KCNK10: variants seen among roughly 807,000 people sequenced by gnomAD.
The protein encoded by KCNK10 is potassium two pore domain channel subfamily K member 10.
A neutral mutation model predicts 47.7 loss-of-function variants in KCNK10; 25 were observed. That is an observed-to-expected ratio of 0.52 (90% CI 0.38 to 0.73). KCNK10 has a LOEUF of 0.73. Among genes scored for constraint, KCNK10 ranks in the 30% least tolerant of loss-of-function variants. The pLI is 0.00. For synonymous variants in KCNK10, 303 were observed against 285.6 expected (o/e 1.06, Z -0.61); for missense variants, 563 against 714.5 (o/e 0.79, Z 2.42).
At position 88,263,432 on chromosome 14, in the gene KCNK10, C is replaced by T; in HGVS notation, c.172G>A (p.Ala58Thr). 6.2e-7 allele frequency: 1 copy of T among 1,614,164 alleles called. No individual in the cohort carries two copies. The highest frequency in any genetic ancestry group is 1.1e-5 in the South Asian group (1 of 91,088). ...CCTTGGGAGGTGCCTTCCATCCTGGCTACCACTGTGGCTCGGGAGGAAATG... is the reference window on the plus strand; with the variant it reads ...CCTTGGGAGGTGCCTTCCATCCTGGTTACCACTGTGGCTCGGGAGGAAATG... ...LSISSRATVV[A>T]RMEGTSQGGL... is the part of the protein sequence containing the mutation. Residue 58 changes from alanine (A) to threonine (T), a missense_variant, in exon 2 of 7, where the codon GCC (alanine) becomes ACC (threonine). By Grantham distance (58) the Ala-to-Thr change is moderately conservative (BLOSUM62 0). Transcript: ENST00000319231.
At chr14:88,323,386 G>C, upstream of KCNK10, 1 of 774,838 alleles carries the variant, frequency 1.3e-6, no homozygotes. Context: ...ATTGGATGTA[G>C]GGGTGGCGCG....
chr14:88,183,540 C>G lies in KCNK10; in HGVS notation c.*1995G>C, dbSNP rs1030112043. 1.3e-5 allele frequency: 2 copies of G among 152,382 alleles called. No homozygotes were observed. The highest frequency in any genetic ancestry group is 2.4e-5 in the African/African-American group (1 of 41,468). The allele number at this position is 152,382 out of a possible 1,614,324, so 9.4% of individuals were successfully genotyped here. On this transcript the variant is annotated 3_prime_UTR_variant, in exon 7 of 7. Coordinates refer to ENST00000319231, the MANE Select transcript of KCNK10 (RefSeq NM_138317.3). Reference sequence around the variant, plus strand: ...CTGGAATGATTCCCATAGTAAAACTCAACATCCACACCTGCATAAACATCG... The same window carrying G: ...CTGGAATGATTCCCATAGTAAAACTGAACATCCACACCTGCATAAACATCG...
At position 88,266,085 on chromosome 14, in the gene KCNK10, G is replaced by GA. The variant is rs201390851; in HGVS notation, c.53-2535dup. 7.4e-3 allele frequency among the ~76,000 whole-genome samples: 1,131 copies of GA among 152,244 alleles called. 8 individuals are homozygous for GA. Among genetic ancestry groups the GA allele is most frequent in the Non-Finnish European group, 0.013 (891 of 68,026 alleles). ...ACTCCCATTAGATTGAAAGCTCCAT[G>GA]AGGGCAGGCACCCTGTCTACCCCTC... On this transcript the variant is annotated intron_variant, in intron 1 of 6. Transcript: ENST00000319231.
At chr14:88,188,672 T>C (rs953593708) in intron 5 of KCNK10, among the ~76,000 whole-genome samples, 2 of 152,192 alleles carry the variant, frequency 1.3e-5, no homozygotes, top group African/African-American at 4.8e-5. Context: ...GGTGTTTACA[T>C]AGTGCTACTC....
At chr14:88,214,775 G>A (rs1213223917) in intron 4 of KCNK10, among the ~76,000 whole-genome samples, 2 of 152,204 alleles carry the variant, frequency 1.3e-5, no homozygotes, top group African/African-American at 4.8e-5. Context: ...GAGAGAGCAT[G>A]AAGTCAGAAA....
intron 5 of KCNK10, among the ~76,000 whole-genome samples, chr14:88,189,750 G>A (rs866206323): frequency 2.6e-5 from 4 of 152,096 alleles, no homozygotes; most frequent in South Asian, 2.1e-4. Flanking sequence ...ATACTATGTC[G>A]AATCACAGCA....
At chr14:88,225,096 T>G (rs1278445810) in intron 4 of KCNK10, among the ~76,000 whole-genome samples, 1 of 152,228 alleles carries the variant, frequency 6.6e-6, no homozygotes, top group Non-Finnish European at 1.5e-5. Flanking sequence ...TTTTCATTTC[T>G]CAAATAACCA....
intron 2 of KCNK10, among the ~76,000 whole-genome samples, chr14:88,262,240 C>T (rs1887131138): frequency 1.3e-5 from 2 of 152,222 alleles, no homozygotes; most frequent in African/African-American, 4.8e-5. Context: ...ATGTCACCGC[C>T]TTCCACCAAA....
chr14:88,219,288 G>A (rs1054107862), intron 4 of KCNK10, among the ~76,000 whole-genome samples: 2 of 152,182 alleles, frequency 1.3e-5, no homozygotes, highest in Non-Finnish European at 2.9e-5. Flanking sequence ...ACTATTCTTG[G>A]AGATAAAAGA....
upstream of KCNK10, chr14:88,326,446 G>GA: frequency 1.9e-6 from 3 of 1,613,234 alleles, no homozygotes; most frequent in Middle Eastern, 1.7e-4. Context: ...TCTGTGTAGA[G>GA]AAAAAACATC....
chr14:88,274,399 T>C (rs910309180), intron 1 of KCNK10, among the ~76,000 whole-genome samples: 1 of 151,562 alleles, frequency 6.6e-6, no homozygotes, highest in African/African-American at 2.4e-5. Flanking sequence ...CTGTCTCTAC[T>C]AAAAATACAA....
At chr14:88,240,079 A>C (rs1886409422) in intron 3 of KCNK10, among the ~76,000 whole-genome samples, 1 of 152,092 alleles carries the variant, frequency 6.6e-6, no homozygotes, top group South Asian at 2.1e-4. Context: ...CAGATGTTTC[A>C]CTTCTATCTA....
chr14:88,275,168 C>T (rs934508147), intron 1 of KCNK10, among the ~76,000 whole-genome samples: 3 of 152,146 alleles, frequency 2.0e-5, no homozygotes, highest in Non-Finnish European at 4.4e-5. Flanking sequence ...TCGCCCACAA[C>T]ATCAGGGTCA....
At chr14:88,244,899 T>C (rs1043818355) in intron 2 of KCNK10, among the ~76,000 whole-genome samples, 6 of 152,196 alleles carry the variant, frequency 3.9e-5, no homozygotes, top group Admixed American at 2.6e-4. Flanking sequence ...AGAGAGATCT[T>C]ACAAGGATCA....
Position 88,263,532 on chromosome 14 carries a change from T to A in KCNK10, c.72A>T (p.Ala24=), listed in dbSNP as rs760639961. ...TGGCGCTCTTGGGCTGGCACACCGG[T>A]GCTGCTGCGGGAACGGCCACTGAGG... ...WDPKVAVPAA[A]PVCQPKSATN... The change falls in exon 2 of 7, where the codon GCA becomes GCT. Residue 24 remains alanine, a synonymous_variant. Coordinates refer to ENST00000319231, the MANE Select transcript of KCNK10 (RefSeq NM_138317.3). 5.0e-6 allele frequency: 8 copies of A among 1,611,958 alleles called. No individual in the cohort carries two copies. The South Asian group carries it at 5.5e-5, about 11-fold the overall frequency.
intron 1 of KCNK10, among the ~76,000 whole-genome samples, chr14:88,280,087 C>G (rs1477249485): frequency 1.3e-5 from 2 of 152,280 alleles, no homozygotes; most frequent in African/African-American, 4.8e-5. Flanking sequence ...TGGACTAATA[C>G]ACTGGGTGAT....
Position 88,240,667 on chromosome 14 carries a change from C to T in KCNK10, c.520+36G>A, listed in dbSNP as rs200432237. 8.7e-4 allele frequency: 1,177 copies of T among 1,345,894 alleles called. 15 individuals carry two copies. The highest frequency in any genetic ancestry group is 1.7e-4 in the Non-Finnish European group (160 of 935,560). The allele number at this position is 1,345,894 out of a possible 1,614,324, so 83.4% of individuals were successfully genotyped here. On this transcript the variant is annotated intron_variant, in intron 3 of 6. Coordinates refer to ENST00000319231, the MANE Select transcript of KCNK10 (RefSeq NM_138317.3). ...ACTAAGCGCCCTTACTCAAGATGAC[C>T]TGCAGAGGAAGAGATATTAGCAAAC...
intron 2 of KCNK10, among the ~76,000 whole-genome samples, chr14:88,254,564 G>C (rs2401756): frequency 6.6e-6 from 1 of 151,980 alleles, no homozygotes; most frequent in Admixed American, 6.5e-5. Context: ...TTCATTCTAC[G>C]CTTCCCCGTC....
Position 88,263,259 on chromosome 14 carries a change from C to T in KCNK10, c.345G>A (p.Ala115=), listed in dbSNP as rs137908592. The change falls in exon 2 of 7, where the codon GCG becomes GCA. Residue 115 remains alanine (A), a synonymous_variant. Coordinates refer to ENST00000319231, the MANE Select transcript of KCNK10 (RefSeq NM_138317.3). ...CACAGACATGATCCCGCAGGAATTC[C>T]GCCTTCTCCAAGGCGATGGTATTCT... ...SQKNTIALEK[A]EFLRDHVCVS... 437 of 1,614,202 alleles carry T rather than the reference C, an allele frequency of 2.7e-4. 4 individuals carry two copies. The African/African-American group carries it at 4.8e-3, about 18-fold the overall frequency.
Sources: gnomAD v4.1 joint callset for allele counts (sites outside exome capture counted in the v4.1 genomes callset) on GRCh38, gnomAD v4.1.1 for gene constraint, MANE v1.5 for transcripts, NCBI Gene and HGNC (gene_info 2026-07-23, HGNC 2026-07-21) for gene names.